Variants in PEX1 observed in about 807,000 individuals in gnomAD.
The protein encoded by PEX1 is peroxisomal ATPase PEX1.
Under a neutral mutation model 152.5 loss-of-function variants are expected in PEX1, and 97 were observed. The ratio of observed to expected loss-of-function variants is 0.64; its 90% CI spans 0.54 to 0.75. The LOEUF is 0.75. Ranked by LOEUF, PEX1 falls within the 30% of genes least tolerant of loss-of-function variation. The pLI, the probability that PEX1 is intolerant of heterozygous loss-of-function variation, is 0.00. For missense variants in PEX1, 1,357 were observed against 1,516.3 expected (o/e 0.89, Z 1.74); for synonymous variants, 485 against 531.6 (o/e 0.91, Z 1.21).
At chr7:92,505,735 C>T (rs1192433928) in intron 11 of PEX1, among the ~76,000 whole-genome samples, 1 of 152,104 alleles carries the variant, frequency 6.6e-6, no homozygotes, top group Admixed American at 6.5e-5. Flanking sequence ...TATATGACAG[C>T]GGTACCCATG....
At chr7:92,488,163 G>A (rs1343417113) in intron 23 of PEX1, among the ~76,000 whole-genome samples, 2 of 152,162 alleles carry the variant, frequency 1.3e-5, no homozygotes, top group Non-Finnish European at 2.9e-5. Context: ...CAATTTTCAG[G>A]ATGTATGTGG....
Position 92,503,167 on chromosome 7 carries a change from G to T in PEX1, c.2100C>A (p.Ile700=). 1 of 1,613,608 alleles carries T rather than the reference G, an allele frequency of 6.2e-7. No individual in the cohort carries two copies. Among genetic ancestry groups the T allele is most frequent in the African/African-American group, 1.3e-5 (1 of 74,988 alleles). The change falls in exon 13 of 24, where the codon ATC becomes ATA. Residue 700 remains isoleucine, a synonymous_variant. Coordinates refer to ENST00000248633, the MANE Select transcript of PEX1 (RefSeq NM_000466.3). ...TCAGTGCAACCAAACTTCCCATGGAGATAAACTCTTTTATCATATCATTCA... is the reference window on the plus strand; with the variant it reads ...TCAGTGCAACCAAACTTCCCATGGATATAAACTCTTTTATCATATCATTCA... ...HALNDMIKEF[I]SMGSLVALIA...
At position 92,487,326 on chromosome 7, in the gene PEX1, A is replaced by G. The variant is rs1171276589; in HGVS notation, c.*131T>C. 8.4e-6 allele frequency: 5 copies of G among 595,648 alleles called. No individual in the cohort carries two copies. Among genetic ancestry groups the G allele is most frequent in the South Asian group, 4.2e-5 (2 of 47,186 alleles). 36.9% of individuals were successfully genotyped at this position (595,648 alleles called of 1,614,324 possible). ...CATTACATAATTATAGCATTTACCA[A>G]TCTGTGATTTTATAAATTAACCAAA... On this transcript the variant is annotated 3_prime_UTR_variant, in exon 24 of 24. Transcript: ENST00000248633.
At chr7:92,518,339 T>A in intron 3 of PEX1, 84 bp from the exon 4 acceptor site, 2 of 874,188 alleles carry the variant, frequency 2.3e-6, no homozygotes. Context: ...ATTCTTTTTT[T>A]AAAAAACAAA....
intron 23 of PEX1, among the ~76,000 whole-genome samples, chr7:92,487,786 A>G (rs1490339596): frequency 6.6e-6 from 1 of 152,238 alleles, no homozygotes; most frequent in Admixed American, 6.5e-5. Context: ...ACAATGAATA[A>G]TATGAAAAAT....
At chr7:92,518,549 T>C (rs1792910578) in intron 3 of PEX1, among the ~76,000 whole-genome samples, 3 of 152,172 alleles carry the variant, frequency 2.0e-5, no homozygotes, top group Admixed American at 2.0e-4. Flanking sequence ...GTTGTCAGGT[T>C]GTACATTAGA....
chr7:92,511,715 A>T lies in PEX1; in HGVS notation c.1360-12T>A. On this transcript the variant is annotated splice_polypyrimidine_tract_variant and intron_variant, in intron 6 of 23. Coordinates refer to ENST00000248633, the MANE Select transcript of PEX1 (RefSeq NM_000466.3). ...CTTATGTCTTTAGGCTGCCAGAAAA[A>T]GGAATAGTAATGAATTATCCTCATA... 6.2e-7 allele frequency: 1 copy of T among 1,607,306 alleles called. No homozygotes were observed. The highest frequency in any genetic ancestry group is 8.5e-7 in the Non-Finnish European group (1 of 1,176,346).
At chr7:92,494,014 A>G (rs909004994) in intron 19 of PEX1, 3 of 375,032 alleles carry the variant, frequency 8.0e-6, no homozygotes, top group Admixed American at 8.1e-5. Flanking sequence ...CTTTGAACAG[A>G]AGATAATGTG....
intron 1 of PEX1, 115 bp downstream of exon 1, chr7:92,528,192 T>G (rs1793382687): frequency 7.2e-7 from 1 of 1,394,100 alleles, no homozygotes; most frequent in Non-Finnish European, 9.8e-7. Flanking sequence ...GACCCTGATC[T>G]CTGCGCGCTT....
chr7:92,489,327 T>C lies in PEX1; in HGVS notation c.3733A>G (p.Ile1245Val). The C allele has an allele frequency of 6.2e-7, 1 of 1,613,528 alleles. No individual in the cohort carries two copies. The highest frequency in any genetic ancestry group is 8.5e-7 in the Non-Finnish European group (1 of 1,179,564). ...AAATTCTTCCAGTCATCTTCACTAATGGATGGTCTTGTGTGACCAAGTGCA... is the reference window on the plus strand; with the variant it reads ...AAATTCTTCCAGTCATCTTCACTAACGGATGGTCTTGTGTGACCAAGTGCA... ...MTALGHTRPS[I>V]SEDDWKNFAE... Residue 1245 changes from isoleucine (I) to valine (V), a missense_variant, in exon 23 of 24, where the codon ATT becomes GTT. Transcript: ENST00000248633.
At position 92,517,830 on chromosome 7, in the gene PEX1, T is replaced by G. The variant is rs770330509; in HGVS notation, c.685A>C (p.Asn229His). The change falls in exon 5 of 24, where the codon AAT (asparagine) becomes CAT (histidine). Residue 229 changes from asparagine to histidine, a missense_variant. Transcript: ENST00000248633. ...QSNTVGITES[N>H]ENESEIPVDS... The stretch of plus-strand genomic sequence containing the variant: ...ACTGGAATCTCTGACTCGTTTTCAT[T>G]AGATTCAGTGATTCCCACAGTATTT... The G allele has an allele frequency of 6.5e-6, 10 of 1,546,532 alleles. No homozygotes were observed. The highest frequency in any genetic ancestry group is 8.7e-6 in the Non-Finnish European group (10 of 1,152,326).
In PEX1 at chr7:92,517,376, T is replaced by C; in HGVS notation, c.1139A>G (p.Lys380Arg). The change falls in exon 5 of 24, where the codon AAG becomes AGG. Residue 380 changes from lysine (K) to arginine (R), a missense_variant. Transcript: ENST00000248633. ...CCAGACTACTTGTAGCACACAGGCCTTCTCATCTTCTTCATTATGATCTGA... is the reference window on the plus strand; with the variant it reads ...CCAGACTACTTGTAGCACACAGGCCCTCTCATCTTCTTCATTATGATCTGA... Reference protein sequence around the residue: ...IRSDHNEEDEKACVLQVVWNG... With the variant: ...IRSDHNEEDERACVLQVVWNG... 1 of 1,613,686 alleles carries C rather than the reference T, an allele frequency of 6.2e-7. No homozygotes were observed. Among genetic ancestry groups the C allele is most frequent in the Non-Finnish European group, 8.5e-7 (1 of 1,179,646 alleles).
chr7:92,491,727 A>G, intron 20 of PEX1: 1 of 490,950 alleles, frequency 2.0e-6, no homozygotes, highest in Non-Finnish European at 3.7e-6. Flanking sequence ...ACCATCCCCC[A>G]AGAAAGTCTG....
Position 92,487,266 on chromosome 7 carries a change from C to T in PEX1, c.*191G>A, listed in dbSNP as rs1790969955. 4 of 378,868 alleles carry T rather than the reference C, an allele frequency of 1.1e-5. No individual in the cohort carries two copies. The highest frequency in any genetic ancestry group is 8.0e-5 in the South Asian group (1 of 12,464). 23.5% of individuals were successfully genotyped at this position (378,868 alleles called of 1,614,324 possible). ...AAAATATGGAATCTGTTATAATGTC[C>T]CAATTTATACTACAGTATTAATCTC... On this transcript the variant is annotated 3_prime_UTR_variant, in exon 24 of 24. Coordinates refer to ENST00000248633, the MANE Select transcript of PEX1 (RefSeq NM_000466.3).
intron 6 of PEX1, 47 bp from the exon 7 acceptor site, chr7:92,511,750 A>C (rs547268849): frequency 1.4e-5 from 21 of 1,550,650 alleles, no homozygotes; most frequent in Non-Finnish European, 1.8e-5. Context: ...ATCTGAACTT[A>C]ACTTTAACAC....
intron 20 of PEX1, 53 bp downstream of exon 20, chr7:92,492,900 G>T (rs1247108716): frequency 2.2e-6 from 3 of 1,355,750 alleles, no homozygotes; most frequent in Non-Finnish European, 3.2e-6. Context: ...TTTTGACATT[G>T]TACTTCTTTT....
At chr7:92,507,540 C>T (rs532059003) in intron 9 of PEX1, 2 of 181,616 alleles carry the variant, frequency 1.1e-5, no homozygotes, top group East Asian at 3.0e-4. Context: ...CACAAGCCAC[C>T]ATGCTCAGAC....
intron 2 of PEX1, 64 bp from the exon 3 acceptor site, chr7:92,519,142 T>G: frequency 1.1e-6 from 1 of 891,484 alleles, no homozygotes; most frequent in Non-Finnish European, 1.8e-6. Flanking sequence ...TATTAGAAAA[T>G]AAGAAGTTAT....
chr7:92,523,936 C>G (rs1562870885), intron 1 of PEX1, among the ~76,000 whole-genome samples: 3 of 152,126 alleles, frequency 2.0e-5, no homozygotes, highest in African/African-American at 7.2e-5. Flanking sequence ...CAGTGGCTCA[C>G]ATGTGTAATC....
Sources: allele counts gnomAD v4.1 joint callset (sites outside exome capture counted in the v4.1 genomes callset), GRCh38; gene constraint gnomAD v4.1.1; transcripts MANE v1.5; gene names NCBI Gene and HGNC (gene_info 2026-07-23, HGNC 2026-07-21).